The following SNX24 variants were observed in gnomAD, a reference collection of about 807,000 sequenced individuals.
The protein encoded by SNX24 is sorting nexin 24.
Under a neutral mutation model 28.7 loss-of-function variants are expected in SNX24, and 22 were observed. The ratio of observed to expected loss-of-function variants is 0.77; its 90% CI spans 0.55 to 1.10. The LOEUF (loss-of-function observed/expected upper bound fraction) is 1.10, where lower values mean the gene tolerates loss of function less well. SNX24 is among the 50% of genes least tolerant of loss of function. The pLI is 0.00. For missense variants in SNX24, 221 were observed against 201.1 expected (o/e 1.10, Z -0.60); for synonymous variants, 69 against 71.5 (o/e 0.96, Z 0.18).
intron 1 of SNX24, among the ~76,000 whole-genome samples, chr5:122,882,819 A>T (rs191405788): frequency 6.6e-5 from 10 of 152,200 alleles, no homozygotes; most frequent in African/African-American, 2.4e-4. Context: ...TAAATTATGA[A>T]TAATAACATA....
chr5:122,923,627 C>T (rs1271832434), intron 1 of SNX24, among the ~76,000 whole-genome samples: 1 of 152,280 alleles, frequency 6.6e-6, no homozygotes, highest in Non-Finnish European at 1.5e-5. Flanking sequence ...TCTTGTTTTC[C>T]CATCTTTCAG....
chr5:122,979,402 G>A (rs1761300681), intron 3 of SNX24, among the ~76,000 whole-genome samples: 1 of 152,154 alleles, frequency 6.6e-6, no homozygotes. Flanking sequence ...CTGCAACCCG[G>A]CATGCCCACT....
At chr5:122,965,549 G>A (rs1581806809) in intron 3 of SNX24, 1 of 434,582 alleles carries the variant, frequency 2.3e-6, no homozygotes, top group East Asian at 7.1e-5. Context: ...CCTTTTATAA[G>A]AGAAATTGCC....
intron 1 of SNX24, among the ~76,000 whole-genome samples, chr5:122,862,452 A>G (rs1386013895): frequency 6.6e-6 from 1 of 151,764 alleles, no homozygotes; most frequent in Non-Finnish European, 1.5e-5. Flanking sequence ...CGTCTCTCCG[A>G]AAAAAAAGTA....
rs142609465 is a variant in SNX24, at chr5:122,875,909, C to T, written c.60+30216C>T. Among the ~76,000 whole-genome samples, 519 of 152,374 alleles carry T rather than the reference C, an allele frequency of 3.4e-3. 4 individuals are homozygous for T. Among genetic ancestry groups the T allele is most frequent in the African/African-American group, 0.012 (487 of 41,586 alleles). On this transcript the variant is annotated intron_variant, in intron 1 of 6. Transcript: ENST00000261369. Reference sequence around the variant, plus strand: ...GTTCAAGCGATTCTCTTGCCTCAGCCGCCCAAGTGGCCTTATTAGCCCTGC... The same window carrying T: ...GTTCAAGCGATTCTCTTGCCTCAGCTGCCCAAGTGGCCTTATTAGCCCTGC...
At chr5:122,888,656 C>T (rs1041001380) in intron 1 of SNX24, among the ~76,000 whole-genome samples, 11 of 152,122 alleles carry the variant, frequency 7.2e-5, no homozygotes, top group Admixed American at 2.0e-4. Context: ...CTGCTGCCTC[C>T]GATATGCAGC....
chr5:122,874,248 C>T (rs1030815141), intron 1 of SNX24, among the ~76,000 whole-genome samples: 2 of 152,182 alleles, frequency 1.3e-5, no homozygotes, highest in South Asian at 4.1e-4. Context: ...AGTATGCAAC[C>T]CCAAAGAGTC....
chr5:122,954,540 C>G (rs1275459475), intron 3 of SNX24, among the ~76,000 whole-genome samples: 1 of 151,028 alleles, frequency 6.6e-6, no homozygotes, highest in Admixed American at 6.6e-5. Flanking sequence ...TATTGTTCCC[C>G]CATTTGTTTA....
At position 122,926,013 on chromosome 5, in the gene SNX24, TTGTG is replaced by T. The variant is rs142461506; in HGVS notation, c.61-10708_61-10705del. Among the ~76,000 whole-genome samples the T allele has an allele frequency of 8.4e-3, 1,270 of 151,304 alleles. 10 individuals are homozygous for T. Among genetic ancestry groups the T allele is most frequent in the East Asian group, 0.059 (306 of 5,164 alleles). On this transcript the variant is annotated intron_variant, in intron 1 of 6. Transcript: ENST00000261369. ...GGTGTGTGTATGTGAGTGTGTATGTTTGTGTGTGTGTGTGTGCATGCACACACCA... is the reference window on the plus strand; with the variant it reads ...GGTGTGTGTATGTGAGTGTGTATGTTTGTGTGTGTGTGCATGCACACACCA...
chr5:122,852,952 T>C (rs1013193483), intron 1 of SNX24, among the ~76,000 whole-genome samples: 6 of 152,062 alleles, frequency 3.9e-5, no homozygotes, highest in African/African-American at 1.4e-4. Context: ...TTCCACGCCA[T>C]GTCCTTCAGT....
In SNX24 at chr5:122,848,311, G is replaced by T. The variant is rs72796829; in HGVS notation, c.60+2618G>T. ...GGATCTCACTATATTGCACTGGCTA[G>T]TCTCAAACTCCTAGGTTTAAGGGAT... On this transcript the variant is annotated intron_variant, in intron 1 of 6. Transcript: ENST00000261369. Among the ~76,000 whole-genome samples, 48 of 152,194 alleles carry T rather than the reference G, an allele frequency of 3.2e-4. No homozygotes were observed. The East Asian group carries it at 6.8e-3, about 22-fold the overall frequency.
intron 1 of SNX24, among the ~76,000 whole-genome samples, chr5:122,849,592 CA>C (rs933947995): frequency 6.7e-5 from 10 of 148,600 alleles, no homozygotes; most frequent in Non-Finnish European, 1.3e-4. Context: ...GATATGCCCC[CA>C]AAAAAGGGGG....
chr5:122,948,106 T>G (rs1386133118), intron 3 of SNX24, among the ~76,000 whole-genome samples: 1 of 152,144 alleles, frequency 6.6e-6, no homozygotes, highest in African/African-American at 2.4e-5. Flanking sequence ...CCCCCAGGAG[T>G]TTAAGGGAGT....
At chr5:122,972,509 C>T (rs1760999743) in intron 3 of SNX24, among the ~76,000 whole-genome samples, 1 of 152,194 alleles carries the variant, frequency 6.6e-6, no homozygotes, top group East Asian at 1.9e-4. Context: ...GCCGTTACAT[C>T]GTTCGGTCAA....
intron 1 of SNX24, among the ~76,000 whole-genome samples, chr5:122,862,280 G>T (rs572406536): frequency 4.0e-5 from 6 of 151,780 alleles, no homozygotes; most frequent in African/African-American, 9.7e-5. Flanking sequence ...GTTTGGTTTT[G>T]TTAAGGGGAG....
intron 1 of SNX24, among the ~76,000 whole-genome samples, chr5:122,919,838 A>G (rs1170341285): frequency 1.3e-5 from 2 of 152,126 alleles, no homozygotes; most frequent in South Asian, 2.1e-4. Flanking sequence ...TCAGGGCCCA[A>G]CAAACTCTTC....
chr5:122,884,355 G>A lies in SNX24; in HGVS notation c.60+38662G>A, dbSNP rs545201634. ...CAACCTCCGCCTCCCTGGTTCAAGC[G>A]ATTCTCTTGCCTCAGACTCCCGAAT... is the stretch of plus-strand genomic sequence containing the variant. On this transcript the variant is annotated intron_variant, in intron 1 of 6. Transcript: ENST00000261369. Among the ~76,000 whole-genome samples, 126 of 147,358 alleles carry A rather than the reference G, an allele frequency of 8.6e-4. 1 individual carries two copies. The South Asian group carries it at 0.027, about 31-fold the overall frequency.
intron 6 of SNX24, among the ~76,000 whole-genome samples, chr5:123,006,345 T>A (rs1762420239): frequency 6.6e-6 from 1 of 152,130 alleles, no homozygotes; most frequent in South Asian, 2.1e-4. Flanking sequence ...ACCCCTTCCC[T>A]CACTAGCCAC....
intron 3 of SNX24, among the ~76,000 whole-genome samples, chr5:122,947,363 G>A (rs1258666129): frequency 6.6e-6 from 1 of 152,070 alleles, no homozygotes; most frequent in Non-Finnish European, 1.5e-5. Context: ...TGTACTTAGT[G>A]AGAAATTCAG....
Sources: gnomAD v4.1 joint callset for allele counts (sites outside exome capture counted in the v4.1 genomes callset) on GRCh38, gnomAD v4.1.1 for gene constraint, MANE v1.5 for transcripts, NCBI Gene and HGNC (gene_info 2026-07-23, HGNC 2026-07-21) for gene names.